The following UGGT2 variants were observed in gnomAD, a reference collection of about 807,000 sequenced individuals.
UGGT2 encodes the protein UDP-glucose:glycoprotein glucosyltransferase 2.
UGGT2 carries 180 observed loss-of-function variants against 192.1 expected under a neutral mutation model. The ratio of observed to expected loss-of-function variants is 0.94; its 90% CI spans 0.83 to 1.06. The LOEUF (loss-of-function observed/expected upper bound fraction) is 1.06. Ranked by LOEUF, UGGT2 falls within the 50% of genes least tolerant of loss-of-function variation. The probability of loss-of-function intolerance (pLI) is 0.00; values close to 1 mark genes in which losing one functional copy is unlikely to be tolerated. For missense variants in UGGT2, 1,849 were observed against 1,795.7 expected, an observed-to-expected ratio of 1.03 and a Z score of -0.54; for synonymous variants, 580 against 591.0, an observed-to-expected ratio of 0.98 and a Z score of 0.27.
intron 1 of UGGT2, among the ~76,000 whole-genome samples, chr13:96,033,821 G>C (rs1416555154): frequency 2.0e-5 from 3 of 152,206 alleles, no homozygotes; most frequent in Non-Finnish European, 4.4e-5. Flanking sequence ...GAGGGCCTGG[G>C]AGCAGCTTGG....
At chr13:95,958,398 G>A (rs929008829) in intron 12 of UGGT2, among the ~76,000 whole-genome samples, 10 of 152,212 alleles carry the variant, frequency 6.6e-5, no homozygotes, top group Non-Finnish European at 1.2e-4. Flanking sequence ...TGATCCACCC[G>A]CCTAGGCCTC....
At chr13:95,843,831 A>G (rs1028670196) in intron 36 of UGGT2, among the ~76,000 whole-genome samples, 3 of 152,164 alleles carry the variant, frequency 2.0e-5, no homozygotes, top group Admixed American at 6.5e-5. Context: ...CAAATTGTCT[A>G]TCTTTACACC....
intron 38 of UGGT2, among the ~76,000 whole-genome samples, chr13:95,819,626 C>A (rs1885290371): frequency 6.6e-6 from 1 of 151,850 alleles, no homozygotes. Context: ...GGTATTAGGC[C>A]ACAAAGAAAA....
At chr13:95,862,967 A>G (rs767173697) in intron 31 of UGGT2, among the ~76,000 whole-genome samples, 2 of 152,102 alleles carry the variant, frequency 1.3e-5, no homozygotes, top group African/African-American at 2.4e-5. Flanking sequence ...GACTCAAGCA[A>G]TCCTCCCACC....
chr13:95,973,639 CA>C (rs2050846080), intron 10 of UGGT2, among the ~76,000 whole-genome samples: 1 of 152,092 alleles, frequency 6.6e-6, no homozygotes, highest in Non-Finnish European at 1.5e-5. Context: ...GAACAGTTAA[CA>C]AAAGTAAAAA....
rs1456942756 is a variant in UGGT2 at position 95,833,021 on chromosome 13, T to A, written c.4434A>T (p.Leu1478=). The change falls in exon 38 of 39, where the codon CTA becomes CTT. Residue 1478 remains leucine, a synonymous_variant. Transcript: ENST00000376747. ...CNNPKTKESK[L]KAAARIVPEW... is the part of the protein sequence containing the mutation. The stretch of plus-strand genomic sequence containing the variant: ...CTGGGACAATTCTGGCAGCAGCTTT[T>A]AGTTTGGATTCTTTTGTTTTGGGAT... 13 of 1,612,580 alleles carry A rather than the reference T, an allele frequency of 8.1e-6. No homozygotes were observed. Among genetic ancestry groups the A allele is most frequent in the Non-Finnish European group, 1.1e-5 (13 of 1,179,120 alleles).
intron 1 of UGGT2, among the ~76,000 whole-genome samples, chr13:96,037,854 C>T (rs1430172055): frequency 6.6e-6 from 1 of 152,096 alleles, no homozygotes; most frequent in Non-Finnish European, 1.5e-5. Context: ...TGAAGGAAAG[C>T]AGAATAACGA....
chr13:95,948,532 G>GA (rs2049956962), intron 13 of UGGT2, among the ~76,000 whole-genome samples: 1 of 151,892 alleles, frequency 6.6e-6, no homozygotes, highest in Non-Finnish European at 1.5e-5. Context: ...TTTCCTATGT[G>GA]AAAAAACAGC....
intron 15 of UGGT2, among the ~76,000 whole-genome samples, chr13:95,944,031 A>G (rs1389604292): frequency 2.6e-5 from 4 of 151,984 alleles, no homozygotes; most frequent in African/African-American, 7.2e-5. Context: ...TAATATATTA[A>G]CATGGTGAAT....
At chr13:95,829,499 A>T (rs1027712935) in intron 38 of UGGT2, among the ~76,000 whole-genome samples, 12 of 152,234 alleles carry the variant, frequency 7.9e-5, no homozygotes, top group African/African-American at 2.9e-4. Flanking sequence ...AATGTGCAGA[A>T]ATCACAAGCA....
At chr13:96,007,604 T>C (rs2139046899) in intron 5 of UGGT2, among the ~76,000 whole-genome samples, 1 of 152,210 alleles carries the variant, frequency 6.6e-6, no homozygotes, top group South Asian at 2.1e-4. Flanking sequence ...TCAGTAAAGT[T>C]GCAAGATATA....
chr13:95,886,692 A>T (rs556118325), intron 26 of UGGT2, among the ~76,000 whole-genome samples: 1 of 152,160 alleles, frequency 6.6e-6, no homozygotes, highest in Non-Finnish European at 1.5e-5. Flanking sequence ...CTTTCACTTA[A>T]ATTTCCCACA....
intron 10 of UGGT2, 79 bp from the exon 11 acceptor site, chr13:95,972,750 T>C: frequency 1.9e-6 from 2 of 1,076,826 alleles, no homozygotes; most frequent in Admixed American, 2.1e-5. Context: ...ATTATTTCTA[T>C]AAAGAGTCAG....
intron 24 of UGGT2, 22 bp from the exon 25 acceptor site, chr13:95,890,986 T>G: frequency 6.5e-7 from 1 of 1,535,930 alleles, no homozygotes; most frequent in Non-Finnish European, 9.0e-7. Flanking sequence ...GAAAATAAGA[T>G]GAAAGATGAC....
chr13:95,819,112 A>G (rs2139780650), intron 38 of UGGT2, among the ~76,000 whole-genome samples: 1 of 152,342 alleles, frequency 6.6e-6, no homozygotes, highest in Middle Eastern at 3.4e-3. Context: ...CACAAAGTAG[A>G]TGACAATTAT....
chr13:95,866,337 G>C lies in UGGT2; in HGVS notation c.3558+1002C>G, dbSNP rs144323442. 6.4e-4 allele frequency among the ~76,000 whole-genome samples: 97 copies of C among 152,096 alleles called. 2 individuals are homozygous for C. In the East Asian group the frequency reaches 0.018, roughly 29 times the overall value. ...GCTATTCTAATAATTTTAATATCTTGGGTCTTTGTGTATCAGTTTTCTGTT... is the reference window on the plus strand; with the variant it reads ...GCTATTCTAATAATTTTAATATCTTCGGTCTTTGTGTATCAGTTTTCTGTT... On this transcript the variant is annotated intron_variant, in intron 30 of 38. Coordinates refer to ENST00000376747, the MANE Select transcript of UGGT2 (RefSeq NM_020121.4).
chr13:95,831,160 G>A (rs1198277613), intron 38 of UGGT2, among the ~76,000 whole-genome samples: 2 of 152,054 alleles, frequency 1.3e-5, no homozygotes, highest in Non-Finnish European at 2.9e-5. Context: ...ATAGCATTAG[G>A]TGACATATCC....
intron 27 of UGGT2, among the ~76,000 whole-genome samples, chr13:95,879,823 T>C (rs1408703193): frequency 6.6e-6 from 1 of 152,240 alleles, no homozygotes; most frequent in Non-Finnish European, 1.5e-5. Flanking sequence ...TTTTATTTTC[T>C]GTTTTAAATA....
Position 96,023,664 on chromosome 13 carries a change from T to C in UGGT2, c.337A>G (p.Arg113Gly). 6.2e-7 allele frequency: 1 copy of C among 1,612,054 alleles called. No homozygotes were observed. The highest frequency in any genetic ancestry group is 1.1e-5 in the South Asian group (1 of 90,884). ...ATCTGAATAGCTGGGGAGTATGCCC[T>C]TATAGAGAAAGCAAACTTTAAAAGG... ...INLLKFAFSI[R>G]AYSPAIQMFQ... is the part of the protein sequence containing the mutation. Residue 113 changes from arginine to glycine, a missense_variant, in exon 3 of 39, where the codon AGG (arginine) becomes GGG (glycine). Transcript: ENST00000376747.
Sources: gnomAD v4.1 joint callset for allele counts (sites outside exome capture counted in the v4.1 genomes callset) on GRCh38, gnomAD v4.1.1 for gene constraint, MANE v1.5 for transcripts, NCBI Gene and HGNC (gene_info 2026-07-23, HGNC 2026-07-21) for gene names.